The following ZNF385D variants were observed in gnomAD, a reference collection of about 807,000 sequenced individuals.
The protein encoded by ZNF385D is zinc finger protein 659.
ZNF385D carries 15 observed loss-of-function variants against 35.8 expected under a neutral mutation model. The observed-to-expected ratio is 0.42, with a 90% CI of 0.28 to 0.64. The LOEUF is 0.64. ZNF385D is among the 30% of genes least tolerant of loss of function. The pLI, the probability that ZNF385D is intolerant of heterozygous loss-of-function variation, is 0.23. For synonymous variants in ZNF385D, 212 were observed against 186.8 expected (o/e 1.13, Z -1.10); for missense variants, 474 against 494.6 (o/e 0.96, Z 0.39).
chr3:22,229,974 C>T (rs1487228870), intron 2 of ZNF385D, among the ~76,000 whole-genome samples: 1 of 152,196 alleles, frequency 6.6e-6, no homozygotes, highest in East Asian at 1.9e-4. Context: ...CCTATACTTA[C>T]ACCTTCTCTG....
chr3:22,253,361 A>T lies in ZNF385D; in HGVS notation c.107-84326T>A, dbSNP rs951582278. ...GCATCAAGAAAGCAATTAGAAAAAA[A>T]ATAGGAACATAAGTGAAAACAAGTT... is the stretch of plus-strand genomic sequence containing the variant. On this transcript the variant is annotated intron_variant, in intron 2 of 5. Transcript: ENST00000494108. Among the ~76,000 whole-genome samples, 8 of 152,170 alleles carry T rather than the reference A, an allele frequency of 5.3e-5. No individual in the cohort carries two copies. In the East Asian group the frequency reaches 1.5e-3, roughly 29 times the overall value.
intron 3 of ZNF385D, among the ~76,000 whole-genome samples, chr3:22,050,562 A>C (rs1386524803): frequency 1.3e-5 from 2 of 152,082 alleles, no homozygotes; most frequent in Admixed American, 1.3e-4. Context: ...TTCATGATTC[A>C]ATTTTGGTAG....
chr3:22,083,204 A>G (rs1427636549), intron 3 of ZNF385D, among the ~76,000 whole-genome samples: 1 of 152,242 alleles, frequency 6.6e-6, no homozygotes, highest in East Asian at 1.9e-4. Context: ...CCTCGCCAGC[A>G]ATGGAACAAA....
At chr3:21,443,218 G>A in intron 4 of ZNF385D, 1 of 985,260 alleles carries the variant, frequency 1.0e-6, no homozygotes, top group Non-Finnish European at 1.2e-6. Context: ...TCTGGCTTTG[G>A]GCACTGCTTC....
chr3:21,708,861 GCA>G (rs34469159), intron 1 of ZNF385D, among the ~76,000 whole-genome samples: 5,587 of 147,684 alleles, frequency 0.038, 307 homozygotes, highest in African/African-American at 0.12. Flanking sequence ...GTGTGGGCGT[GCA>G]CACACACACA....
In ZNF385D at chr3:21,462,587, G is replaced by T. The variant is rs550745859; in HGVS notation, c.440-25384C>A. 2.6e-5 allele frequency among the ~76,000 whole-genome samples: 4 copies of T among 152,194 alleles called. No homozygotes were observed. In the South Asian group the frequency reaches 8.3e-4, roughly 31 times the overall value. ...GGCTACAGATAAAAACATAAAGCAG[G>T]TTAAAAGACAAATTAAATCAAAATA... On this transcript the variant is annotated intron_variant, in intron 4 of 7. Coordinates refer to ENST00000281523, the MANE Select transcript of ZNF385D (RefSeq NM_024697.3).
chr3:22,289,024 T>A (rs899398181), intron 2 of ZNF385D, among the ~76,000 whole-genome samples: 1 of 152,144 alleles, frequency 6.6e-6, no homozygotes, highest in African/African-American at 2.4e-5. Flanking sequence ...TGTCTCTAGA[T>A]GCAGCTGGAA....
At chr3:22,257,815 G>T (rs1483802360) in intron 2 of ZNF385D, among the ~76,000 whole-genome samples, 1 of 151,722 alleles carries the variant, frequency 6.6e-6, no homozygotes, top group Non-Finnish European at 1.5e-5. Context: ...TTAAAATGCT[G>T]AATAAATAAA....
chr3:21,977,388 A>G (rs1205527829), intron 3 of ZNF385D, among the ~76,000 whole-genome samples: 1 of 152,174 alleles, frequency 6.6e-6, no homozygotes, highest in African/African-American at 2.4e-5. Context: ...AGGGGGTTCC[A>G]CAGCTAATAA....
intron 3 of ZNF385D, among the ~76,000 whole-genome samples, chr3:21,922,931 A>C (rs976749287): frequency 2.0e-5 from 3 of 152,198 alleles, no homozygotes; most frequent in Non-Finnish European, 4.4e-5. Flanking sequence ...CAATAGCTGA[A>C]CAAACAAAAA....
intron 3 of ZNF385D, among the ~76,000 whole-genome samples, chr3:22,056,479 C>G (rs1699406706): frequency 6.6e-6 from 1 of 152,028 alleles, no homozygotes; most frequent in South Asian, 2.1e-4. Flanking sequence ...CAAGATAAAA[C>G]TGTAGTGAGT....
chr3:21,889,956 CGTGTGCCTGTGTGTGA>C (rs1698764231), intron 3 of ZNF385D, among the ~76,000 whole-genome samples: 1 of 151,794 alleles, frequency 6.6e-6, no homozygotes, highest in Admixed American at 6.6e-5. Context: ...CCTGTGTGTG[CGTGTGCCTGTGTGTGA>C]ATTTTCCCCT....
At chr3:22,291,585 T>C (rs1197817283) in intron 2 of ZNF385D, among the ~76,000 whole-genome samples, 1 of 152,050 alleles carries the variant, frequency 6.6e-6, no homozygotes, top group Admixed American at 6.5e-5. Context: ...CAAACAATGA[T>C]AGTTTTATAC....
intron 2 of ZNF385D, among the ~76,000 whole-genome samples, chr3:22,247,589 C>T (rs1479077463): frequency 6.6e-6 from 1 of 150,420 alleles, no homozygotes; most frequent in Non-Finnish European, 1.5e-5. Context: ...TAACAGATTG[C>T]TATTTATATA....
At chr3:22,041,756 G>T (rs982476793) in intron 3 of ZNF385D, among the ~76,000 whole-genome samples, 9 of 152,078 alleles carry the variant, frequency 5.9e-5, no homozygotes, top group South Asian at 2.1e-4. Context: ...AGATACTGAA[G>T]AGCTGGTGTC....
chr3:21,762,230 C>T (rs2070650195), intron 3 of ZNF385D, among the ~76,000 whole-genome samples: 1 of 152,080 alleles, frequency 6.6e-6, no homozygotes, highest in South Asian at 2.1e-4. Flanking sequence ...GAAGTTCTCT[C>T]CTGTTGGATT....
chr3:21,561,795 A>G (rs540031798), intron 3 of ZNF385D: 4 of 150,058 alleles, frequency 2.7e-5, no homozygotes, highest in East Asian at 2.0e-4. Flanking sequence ...AACAATCACA[A>G]TAGTAACATC....
At chr3:22,347,095 G>T (rs1433975423) in intron 2 of ZNF385D, among the ~76,000 whole-genome samples, 1 of 145,644 alleles carries the variant, frequency 6.9e-6, no homozygotes, top group Non-Finnish European at 1.5e-5. Flanking sequence ...GTGACATAAA[G>T]AGAGAGACAC....
chr3:22,343,502 GAGTAGCAGCACTTGTCC>G (rs1019979168), intron 2 of ZNF385D, among the ~76,000 whole-genome samples: 1 of 152,214 alleles, frequency 6.6e-6, no homozygotes, highest in African/African-American at 2.4e-5. Context: ...ACCCTGGTGG[GAGTAGCAGCACTTGTCC>G]AGTGGCAGCA....
Sources: allele counts gnomAD v4.1 joint callset (sites outside exome capture counted in the v4.1 genomes callset), GRCh38; gene constraint gnomAD v4.1.1; transcripts MANE v1.5; gene names NCBI Gene and HGNC (gene_info 2026-07-23, HGNC 2026-07-21).